The following SLC8A1 variants were observed in gnomAD, a reference collection of about 807,000 sequenced individuals.
SLC8A1 encodes solute carrier family 8 member A1.
A neutral mutation model predicts 68.3 loss-of-function variants in SLC8A1; 18 were observed. That is an observed-to-expected ratio of 0.26 (90% CI 0.18 to 0.39). The LOEUF (loss-of-function observed/expected upper bound fraction) is 0.39. SLC8A1 is among the 10% of genes least tolerant of loss of function. The pLI is 1.00. For synonymous variants in SLC8A1, 475 were observed against 415.5 expected (o/e 1.14, Z -1.74); for missense variants, 985 against 1,156.7 (o/e 0.85, Z 2.15).
chr2:40,144,649 G>C (rs1456565943), intron 6 of SLC8A1, among the ~76,000 whole-genome samples: 1 of 151,470 alleles, frequency 6.6e-6, no homozygotes, highest in Non-Finnish European at 1.5e-5. Context: ...TACGATTTTT[G>C]GGTTGTTTAT....
At chr2:40,393,738 A>G (rs1446933415) in intron 2 of SLC8A1, among the ~76,000 whole-genome samples, 1 of 152,160 alleles carries the variant, frequency 6.6e-6, no homozygotes, top group African/African-American at 2.4e-5. Context: ...TAACAATTAG[A>G]TACTACAGTT....
intron 2 of SLC8A1, among the ~76,000 whole-genome samples, chr2:40,385,869 A>C (rs1683388291): frequency 6.6e-6 from 1 of 151,422 alleles, no homozygotes; most frequent in South Asian, 2.1e-4. Context: ...AAAAAAAAGT[A>C]CACAAAATGA....
At chr2:40,496,416 T>G (rs769109203) in intron 1 of SLC8A1, among the ~76,000 whole-genome samples, 2 of 152,104 alleles carry the variant, frequency 1.3e-5, no homozygotes, top group Non-Finnish European at 2.9e-5. Context: ...TTCAAACAGT[T>G]GGATCAAGAT....
chr2:40,244,552 T>G (rs1020067391), intron 2 of SLC8A1, among the ~76,000 whole-genome samples: 1 of 105,980 alleles, frequency 9.4e-6, no homozygotes, highest in Admixed American at 1.2e-4. Flanking sequence ...GTGGTGTGCA[T>G]GATATGAAAA....
At chr2:40,292,505 G>A (rs2069510915) in intron 2 of SLC8A1, among the ~76,000 whole-genome samples, 1 of 152,122 alleles carries the variant, frequency 6.6e-6, no homozygotes. Flanking sequence ...GACATACTTG[G>A]TCACCTGCCA....
At chr2:40,476,395 C>T (rs1704299589) in intron 1 of SLC8A1, among the ~76,000 whole-genome samples, 1 of 152,134 alleles carries the variant, frequency 6.6e-6, no homozygotes, top group African/African-American at 2.4e-5. Context: ...AAGTCTTAGC[C>T]TTCAGCTGGG....
chr2:40,345,061 G>A lies in SLC8A1; in HGVS notation c.1808+83412C>T, dbSNP rs1254330804. On this transcript the variant is annotated intron_variant, in intron 2 of 7. Transcript: ENST00000406785. Reference sequence around the variant, plus strand: ...CCATGGATTTTCTAATTTTATAACTGGTTAAGTCCAAGCTTGGAATGCCAA... The same window carrying A: ...CCATGGATTTTCTAATTTTATAACTAGTTAAGTCCAAGCTTGGAATGCCAA... Among the ~76,000 whole-genome samples the A allele has an allele frequency of 2.6e-5, 4 of 152,108 alleles. No homozygotes were observed. In the South Asian group the frequency reaches 8.3e-4, roughly 31 times the overall value.
At chr2:40,305,347 T>C (rs2072362965) in intron 2 of SLC8A1, among the ~76,000 whole-genome samples, 1 of 152,120 alleles carries the variant, frequency 6.6e-6, no homozygotes, top group Non-Finnish European at 1.5e-5. Flanking sequence ...TCAGGTGAAA[T>C]GTAGGTTATT....
rs1162604585 is a variant in SLC8A1 at position 40,386,253 on chromosome 2, ATTATT to A, written c.1808+42215_1808+42219del. Among the ~76,000 whole-genome samples, 37 of 151,444 alleles carry A rather than the reference ATTATT, an allele frequency of 2.4e-4. 2 individuals carry two copies. The highest frequency in any genetic ancestry group is 8.3e-4 in the African/African-American group (34 of 40,840). ...ATTAATACAGCTGGAGATAATTTAT[ATTATT>A]TTATTTTAGTTTAGATATTTTCCAG... On this transcript the variant is annotated intron_variant, in intron 2 of 7. Coordinates refer to ENST00000406785, the Ensembl canonical transcript of SLC8A1.
chr2:40,346,216 T>C (rs530726049), intron 2 of SLC8A1, among the ~76,000 whole-genome samples: 1 of 152,210 alleles, frequency 6.6e-6, no homozygotes, highest in Admixed American at 6.5e-5. Flanking sequence ...TGATTTCTTT[T>C]ATTGCACACA....
In SLC8A1 at chr2:40,438,978, T is replaced by C. The variant is rs560591585; in HGVS notation, c.-24-8674A>G. Reference sequence around the variant, plus strand: ...TCTGAAAATCAGAAAACAGTGTTTGTTCTAATATCAGTAAGATGTTGATGT... The same window carrying C: ...TCTGAAAATCAGAAAACAGTGTTTGCTCTAATATCAGTAAGATGTTGATGT... On this transcript the variant is annotated intron_variant, in intron 1 of 7. Coordinates refer to ENST00000406785, the Ensembl canonical transcript of SLC8A1. Among the ~76,000 whole-genome samples the C allele has an allele frequency of 1.2e-4, 18 of 152,202 alleles. No individual in the cohort carries two copies. The South Asian group carries it at 3.3e-3, about 28-fold the overall frequency.
chr2:40,433,613 T>C (rs935026487), intron 1 of SLC8A1, among the ~76,000 whole-genome samples: 15 of 152,306 alleles, frequency 9.8e-5, no homozygotes, highest in Middle Eastern at 3.4e-3. Context: ...ACAATAATCC[T>C]AAATAGTAGG....
intron 2 of SLC8A1, among the ~76,000 whole-genome samples, chr2:40,290,201 G>C (rs1026689525): frequency 2.0e-5 from 3 of 151,530 alleles, no homozygotes; most frequent in African/African-American, 7.3e-5. Context: ...AAGGTGCCTG[G>C]ATGAAATGAA....
chr2:40,294,192 G>C (rs1002955393), intron 2 of SLC8A1, among the ~76,000 whole-genome samples: 2 of 152,078 alleles, frequency 1.3e-5, no homozygotes, highest in African/African-American at 4.8e-5. Context: ...AGTTTCACAA[G>C]TGCATAAAGA....
At chr2:40,198,453 A>T (rs1466699231) in intron 2 of SLC8A1, among the ~76,000 whole-genome samples, 1 of 151,974 alleles carries the variant, frequency 6.6e-6, no homozygotes, top group African/African-American at 2.4e-5. Flanking sequence ...TTGGTGACAT[A>T]TTTAATTAAT....
intron 6 of SLC8A1, among the ~76,000 whole-genome samples, chr2:40,153,319 G>A (rs1445103311): frequency 6.6e-6 from 1 of 152,116 alleles, no homozygotes; most frequent in Non-Finnish European, 1.5e-5. Flanking sequence ...AACTCACAGG[G>A]GAGGTTAGAG....
At chr2:40,167,539 T>G (rs144495816) in intron 4 of SLC8A1, among the ~76,000 whole-genome samples, 2 of 152,188 alleles carry the variant, frequency 1.3e-5, no homozygotes, top group Non-Finnish European at 2.9e-5. Context: ...TTAAGAAATA[T>G]AGTGTTAACT....
chr2:40,360,119 T>C (rs929753704), intron 2 of SLC8A1, among the ~76,000 whole-genome samples: 6 of 152,154 alleles, frequency 3.9e-5, no homozygotes, highest in African/African-American at 1.4e-4. Flanking sequence ...ATCCCCATTT[T>C]AGAGGTAAGT....
At chr2:40,376,693 G>T (rs1177045124) in intron 2 of SLC8A1, among the ~76,000 whole-genome samples, 2 of 152,114 alleles carry the variant, frequency 1.3e-5, no homozygotes, top group African/African-American at 4.8e-5. Flanking sequence ...GGAGGCCCCA[G>T]TGAAATGGGA....
Sources: gnomAD v4.1 joint callset for allele counts (sites outside exome capture counted in the v4.1 genomes callset) on GRCh38, gnomAD v4.1.1 for gene constraint, MANE v1.5 for transcripts, NCBI Gene and HGNC (gene_info 2026-07-23, HGNC 2026-07-21) for gene names.